Variants in KCNH8 observed in about 807,000 individuals in gnomAD.
KCNH8 encodes voltage-gated delayed rectifier potassium channel KCNH8.
A neutral mutation model predicts 103.6 loss-of-function variants in KCNH8; 70 were observed. The ratio of observed to expected loss-of-function variants is 0.68; its 90% CI spans 0.56 to 0.82. The LOEUF (loss-of-function observed/expected upper bound fraction) is 0.82, where lower values mean the gene tolerates loss of function less well. Among genes scored for constraint, KCNH8 ranks in the 40% least tolerant of loss-of-function variants. The probability of loss-of-function intolerance (pLI) is 0.00; values close to 1 mark genes in which losing one functional copy is unlikely to be tolerated. For missense variants in KCNH8, 1,217 were observed against 1,329.9 expected (o/e 0.92, Z 1.32); for synonymous variants, 498 against 489.4 (o/e 1.02, Z -0.23).
chr3:19,160,787 C>T (rs2063226354), intron 1 of KCNH8, among the ~76,000 whole-genome samples: 1 of 152,096 alleles, frequency 6.6e-6, no homozygotes, highest in South Asian at 2.1e-4. Context: ...TCAGAGTATC[C>T]ATGCTGTACA....
intron 7 of KCNH8, among the ~76,000 whole-genome samples, chr3:19,431,028 A>G (rs1473660980): frequency 2.0e-5 from 3 of 152,158 alleles, no homozygotes; most frequent in Admixed American, 6.5e-5. Context: ...TATGTTGAAT[A>G]GGAGTGGTGA....
rs189746851 is a variant in KCNH8, at chr3:19,400,837, T to A, written c.1177+5526T>A. On this transcript the variant is annotated intron_variant, in intron 7 of 15. Transcript: ENST00000328405. ...GAAAAAAAAATGACCAGGCTTATGA[T>A]GTTGTAGGCTGATTACTTCAGTAAC... 2.6e-4 allele frequency among the ~76,000 whole-genome samples: 40 copies of A among 152,054 alleles called. 1 individual carries two copies. Among genetic ancestry groups the A allele is most frequent in the Admixed American group, 2.4e-3 (36 of 15,218 alleles).
chr3:19,480,592 T>G (rs189423771), intron 11 of KCNH8, among the ~76,000 whole-genome samples: 1 of 152,330 alleles, frequency 6.6e-6, no homozygotes, highest in East Asian at 1.9e-4. Flanking sequence ...TAGAAATGTC[T>G]TCATTCAGTA....
intron 2 of KCNH8, among the ~76,000 whole-genome samples, chr3:19,258,929 CTCTCTCTCTCTCTCTCTCTATA>C (rs1222791565): frequency 9.0e-4 from 74 of 82,404 alleles, no homozygotes; most frequent in African/African-American, 3.4e-3. Context: ...CTCTCTCTCT[CTCTCTCTCTCTCTCTCTCTATA>C]TATATATATA....
chr3:19,343,494 T>C (rs1363998767), intron 4 of KCNH8, among the ~76,000 whole-genome samples: 1 of 152,110 alleles, frequency 6.6e-6, no homozygotes, highest in Non-Finnish European at 1.5e-5. Context: ...TTTAAGATAA[T>C]GTTAATGTCA....
rs148981603 is a variant in KCNH8 at position 19,244,685 on chromosome 3, C to T, written c.77-8969C>T. The stretch of plus-strand genomic sequence containing the variant: ...TTCTGATCGGTATGAGATGGTATCT[C>T]GTTGTGGGTTTTGATTTGCATTTCT... On this transcript the variant is annotated intron_variant, in intron 1 of 15. Transcript: ENST00000328405. Among the ~76,000 whole-genome samples the T allele has an allele frequency of 8.5e-5, 13 of 152,178 alleles. No homozygotes were observed. The East Asian group carries it at 2.3e-3, about 27-fold the overall frequency.
intron 7 of KCNH8, among the ~76,000 whole-genome samples, chr3:19,397,973 CA>C (rs1462817697): frequency 6.6e-6 from 1 of 151,864 alleles, no homozygotes; most frequent in Non-Finnish European, 1.5e-5. Flanking sequence ...GTAATCTGTG[CA>C]CTAATGGTAA....
At chr3:19,448,749 A>C (rs144024616) in intron 8 of KCNH8, among the ~76,000 whole-genome samples, 34 of 152,190 alleles carry the variant, frequency 2.2e-4, no homozygotes, top group African/African-American at 8.2e-4. Context: ...CAAGCTACTA[A>C]ATGTTTAGTC....
intron 11 of KCNH8, among the ~76,000 whole-genome samples, chr3:19,467,096 A>G (rs1231138565): frequency 1.3e-5 from 2 of 152,130 alleles, no homozygotes; most frequent in Non-Finnish European, 2.9e-5. Flanking sequence ...CATATGACTC[A>G]CTTTACTGAG....
intron 1 of KCNH8, among the ~76,000 whole-genome samples, chr3:19,149,130 A>T (rs1271189777): frequency 6.6e-6 from 1 of 152,126 alleles, no homozygotes; most frequent in Non-Finnish European, 1.5e-5. Context: ...GAAAAGGGGA[A>T]TATCGGTGTA....
At chr3:19,304,500 A>G (rs1302729982) in intron 3 of KCNH8, among the ~76,000 whole-genome samples, 1 of 152,138 alleles carries the variant, frequency 6.6e-6, no homozygotes, top group Non-Finnish European at 1.5e-5. Flanking sequence ...TCATGAAATA[A>G]ATATAGGATA....
rs376009490 is a variant in KCNH8, at chr3:19,353,971, A to G, written c.811+6006A>G. Among the ~76,000 whole-genome samples, 6 of 152,186 alleles carry G rather than the reference A, an allele frequency of 3.9e-5. No individual in the cohort carries two copies. In the South Asian group the frequency reaches 1.2e-3, roughly 31 times the overall value. On this transcript the variant is annotated intron_variant, in intron 5 of 15. Transcript: ENST00000328405. ...CTCTGTTTGCAGGTGACATGATTGT[A>G]TACTTAGAAAACCCCATTGTCTCAG...
At chr3:19,172,599 A>G (rs775275817) in intron 1 of KCNH8, among the ~76,000 whole-genome samples, 1 of 152,194 alleles carries the variant, frequency 6.6e-6, no homozygotes. Context: ...ATTAAGTACC[A>G]GTCTCTCTGT....
Position 19,354,377 on chromosome 3 carries a change from C to A in KCNH8, c.811+6412C>A, listed in dbSNP as rs201127254. The stretch of plus-strand genomic sequence containing the variant: ...ACTTTCTTCACAGAATTGGAAAAAA[C>A]TACTTTAAAGTTCATATGGAACCAA... On this transcript the variant is annotated intron_variant, in intron 5 of 15. Transcript: ENST00000328405. Among the ~76,000 whole-genome samples the A allele has an allele frequency of 1.7e-4, 26 of 152,218 alleles. No individual in the cohort carries two copies. The East Asian group carries it at 4.8e-3, about 28-fold the overall frequency.
At chr3:19,289,895 A>G (rs1278672061) in intron 3 of KCNH8, among the ~76,000 whole-genome samples, 1 of 152,126 alleles carries the variant, frequency 6.6e-6, no homozygotes, top group Non-Finnish European at 1.5e-5. Flanking sequence ...ATATTCTTCC[A>G]TTTGTTTGTA....
chr3:19,259,990 G>A (rs1009573350), intron 2 of KCNH8, among the ~76,000 whole-genome samples: 1 of 151,538 alleles, frequency 6.6e-6, no homozygotes, highest in Non-Finnish European at 1.5e-5. Flanking sequence ...GGCTTCTTTA[G>A]CATTGGGATG....
chr3:19,426,202 T>A (rs2067026234), intron 7 of KCNH8, among the ~76,000 whole-genome samples: 1 of 152,142 alleles, frequency 6.6e-6, no homozygotes, highest in Admixed American at 6.5e-5. Flanking sequence ...GCTCTGGTGT[T>A]CTTGGACTTC....
intron 15 of KCNH8, among the ~76,000 whole-genome samples, chr3:19,525,777 A>T (rs2069053553): frequency 6.6e-6 from 1 of 152,002 alleles, no homozygotes; most frequent in African/African-American, 2.4e-5. Flanking sequence ...TGTGTGACCT[A>T]GAACAAGCCA....
intron 9 of KCNH8, chr3:19,450,590 C>A: frequency 2.5e-6 from 1 of 405,578 alleles, no homozygotes; most frequent in Non-Finnish European, 4.6e-6. Flanking sequence ...TCAATTCTTA[C>A]GATAATTTAA....
Sources: gnomAD v4.1 joint callset for allele counts (sites outside exome capture counted in the v4.1 genomes callset) on GRCh38, gnomAD v4.1.1 for gene constraint, MANE v1.5 for transcripts, NCBI Gene and HGNC (gene_info 2026-07-23, HGNC 2026-07-21) for gene names.